The following CYP2C19 variants were observed in gnomAD, a reference collection of about 807,000 sequenced individuals.
CYP2C19 encodes cytochrome P450 family 2 subfamily C member 19, also known as cytochrome P450 2C19.
A neutral mutation model predicts 40.9 loss-of-function variants in CYP2C19; 59 were observed. The observed-to-expected ratio is 1.44, with a 90% CI of 1.17 to 1.79. CYP2C19 has a LOEUF of 1.79. CYP2C19 is among the 40% of genes most tolerant of loss of function. The pLI is 0.00. For synonymous variants in CYP2C19, 253 were observed against 208.7 expected (o/e 1.21, Z -1.83); for missense variants, 754 against 596.9 (o/e 1.26, Z -2.74).
intron 6 of CYP2C19, among the ~76,000 whole-genome samples, chr10:94,823,996 T>A (rs986080521): frequency 6.6e-6 from 1 of 152,140 alleles, no homozygotes; most frequent in Admixed American, 6.6e-5. Context: ...TGTGACAGAT[T>A]TTATGAGAGT....
At chr10:94,788,944 A>G (rs1431219617) in intron 5 of CYP2C19, among the ~76,000 whole-genome samples, 1 of 152,172 alleles carries the variant, frequency 6.6e-6, no homozygotes, top group Non-Finnish European at 1.5e-5. Context: ...CAATGATTGA[A>G]CTAATTTACA....
At position 94,814,729 on chromosome 10, in the gene CYP2C19, C is replaced by CTTTTGG. The variant is rs1848975320; in HGVS notation, c.820-5765_820-5760dup. ...TGGGGTGACTTAGCCTAAGGGATTCCTTTTGGTGTCATCTCTGACATGGCA... is the reference window on the plus strand; with the variant it reads ...TGGGGTGACTTAGCCTAAGGGATTCCTTTTGGTTTTGGTGTCATCTCTGACATGGCA... On this transcript the variant is annotated intron_variant, in intron 5 of 8. Coordinates refer to ENST00000371321, the MANE Select transcript of CYP2C19 (RefSeq NM_000769.4). Among the ~76,000 whole-genome samples the CTTTTGG allele has an allele frequency of 2.1e-5, 3 of 144,028 alleles. No homozygotes were observed. The Admixed American group carries it at 2.1e-4, about 10-fold the overall frequency. The allele number at this position is 144,028 out of a possible 152,430, so 94.5% of individuals were successfully genotyped here. A position where few individuals can be genotyped will look rare whatever the true frequency, so the allele number is the denominator to read the frequency against.
intron 6 of CYP2C19, among the ~76,000 whole-genome samples, chr10:94,831,816 T>A (rs1335633609): frequency 6.6e-6 from 1 of 152,208 alleles, no homozygotes; most frequent in South Asian, 2.1e-4. Context: ...TCTTGTCAGA[T>A]GAGTAGTTTG....
chr10:94,796,099 C>T lies in CYP2C19; in HGVS notation c.819+14102C>T, dbSNP rs751466338. ...ATGCCAATGTCCTGAATGGTATTGC[C>T]TAGGTTTTCTTCTAGGGTTTTTATG... is the stretch of plus-strand genomic sequence containing the variant. On this transcript the variant is annotated intron_variant, in intron 5 of 8. Transcript: ENST00000371321. Among the ~76,000 whole-genome samples, 382 of 152,196 alleles carry T rather than the reference C, an allele frequency of 2.5e-3. 7 individuals carry two copies. Among genetic ancestry groups the T allele is most frequent in the Non-Finnish European group, 1.9e-3 (130 of 68,004 alleles).
At chr10:94,814,074 A>G (rs1055228675) in intron 5 of CYP2C19, among the ~76,000 whole-genome samples, 4 of 151,424 alleles carry the variant, frequency 2.6e-5, no homozygotes, top group African/African-American at 9.7e-5. Flanking sequence ...AGGTGAGACA[A>G]CATTCCTCCC....
intron 6 of CYP2C19, among the ~76,000 whole-genome samples, chr10:94,821,295 C>A (rs1257177006): frequency 1.3e-5 from 2 of 152,032 alleles, no homozygotes; most frequent in Non-Finnish European, 2.9e-5. Context: ...TATTAAAAGG[C>A]CATTTTGAAC....
intron 5 of CYP2C19, among the ~76,000 whole-genome samples, chr10:94,802,752 T>A (rs1268212716): frequency 1.3e-5 from 2 of 152,176 alleles, no homozygotes; most frequent in Non-Finnish European, 2.9e-5. Flanking sequence ...TAGTGCTTCC[T>A]TCATGGATTC....
intron 5 of CYP2C19, among the ~76,000 whole-genome samples, chr10:94,789,420 A>G (rs1015461663): frequency 1.3e-5 from 2 of 152,038 alleles, no homozygotes; most frequent in Non-Finnish European, 2.9e-5. Flanking sequence ...GTCCTTGCCC[A>G]TGCCTATGTC....
chr10:94,789,836 T>C (rs1848584306), intron 5 of CYP2C19, among the ~76,000 whole-genome samples: 2 of 152,144 alleles, frequency 1.3e-5, no homozygotes, highest in Non-Finnish European at 2.9e-5. Flanking sequence ...GGCTCTTCCT[T>C]GGTTCCCTAT....
At chr10:94,791,092 T>G (rs963075559) in intron 5 of CYP2C19, among the ~76,000 whole-genome samples, 6 of 152,138 alleles carry the variant, frequency 3.9e-5, no homozygotes, top group African/African-American at 1.4e-4. Flanking sequence ...TGGTTTAGTC[T>G]TGGGAGGGTG....
At chr10:94,817,653 C>T (rs1027647491) in intron 5 of CYP2C19, among the ~76,000 whole-genome samples, 10 of 149,250 alleles carry the variant, frequency 6.7e-5, no homozygotes, top group Non-Finnish European at 4.5e-5. Flanking sequence ...AAGTTCTTGC[C>T]CATGCCTATG....
At position 94,855,538 on chromosome 10, in the gene CYP2C19, A is replaced by G. The variant is rs888812655; in HGVS notation, c.*2624A>G. Among the ~76,000 whole-genome samples the G allele has an allele frequency of 1.4e-4, 21 of 152,244 alleles. No homozygotes were observed. The highest frequency in any genetic ancestry group is 5.1e-4 in the African/African-American group (21 of 41,474). On this transcript the variant is annotated 3_prime_UTR_variant, in exon 9 of 9. Coordinates refer to ENST00000371321, the MANE Select transcript of CYP2C19 (RefSeq NM_000769.4). ...TTTAGAAGATACTGGCTCAATAAATATTTAATGAATGAATGACTACTTAAT... is the reference window on the plus strand; with the variant it reads ...TTTAGAAGATACTGGCTCAATAAATGTTTAATGAATGAATGACTACTTAAT...
intron 6 of CYP2C19, among the ~76,000 whole-genome samples, chr10:94,821,540 A>G (rs1206540371): frequency 6.6e-6 from 1 of 152,224 alleles, no homozygotes; most frequent in East Asian, 1.9e-4. Flanking sequence ...TAGGCAGAAG[A>G]TGTACCTGAG....
intron 6 of CYP2C19, among the ~76,000 whole-genome samples, chr10:94,835,612 A>T (rs575265482): frequency 3.3e-5 from 5 of 152,038 alleles, no homozygotes; most frequent in African/African-American, 7.2e-5. Context: ...TGACCCCAGC[A>T]GTGTAAGACT....
At chr10:94,810,890 C>G (rs1848912696) in intron 5 of CYP2C19, among the ~76,000 whole-genome samples, 1 of 152,096 alleles carries the variant, frequency 6.6e-6, no homozygotes, top group Non-Finnish European at 1.5e-5. Context: ...TCCTTCAATT[C>G]TGCTCTGATA....
chr10:94,827,475 G>A (rs1257673421), intron 6 of CYP2C19, among the ~76,000 whole-genome samples: 2 of 151,968 alleles, frequency 1.3e-5, no homozygotes, highest in Non-Finnish European at 2.9e-5. Context: ...ATTCTCTGAT[G>A]GTAGTTTGTA....
rs187390647 is a variant in CYP2C19 at position 94,820,479 on chromosome 10, C to T, written c.820-17C>T. 2.5e-6 allele frequency: 4 copies of T among 1,613,520 alleles called. No homozygotes were observed. Among genetic ancestry groups the T allele is most frequent in the East Asian group, 2.2e-5 (1 of 44,868 alleles). On this transcript the variant is annotated splice_polypyrimidine_tract_variant and intron_variant, in intron 5 of 8. Transcript: ENST00000371321. ...TGTTAAATAATTTGTCAGATAATTG[C>T]ATCAAATCATTCCTAGGAAAAGCAA...
chr10:94,810,464 C>G (rs1181377909), intron 5 of CYP2C19, among the ~76,000 whole-genome samples: 1 of 152,066 alleles, frequency 6.6e-6, no homozygotes, highest in Non-Finnish European at 1.5e-5. Context: ...GGAATGGTAC[C>G]AGCTCCTCTT....
At chr10:94,823,817 C>A (rs1255404884) in intron 6 of CYP2C19, among the ~76,000 whole-genome samples, 1 of 152,120 alleles carries the variant, frequency 6.6e-6, no homozygotes, top group Non-Finnish European at 1.5e-5. Context: ...GTGCTTAATT[C>A]AAATGCCTGA....
Sources: allele counts gnomAD v4.1 joint callset (sites outside exome capture counted in the v4.1 genomes callset), GRCh38; gene constraint gnomAD v4.1.1; transcripts MANE v1.5; gene names NCBI Gene and HGNC (gene_info 2026-07-23, HGNC 2026-07-21).